Variants in SAMD3 observed in about 807,000 individuals in gnomAD.
SAMD3 encodes the protein sterile alpha motif domain containing 3, also known as sterile alpha motif domain-containing protein 3.
Under a neutral mutation model 58.5 loss-of-function variants are expected in SAMD3, and 63 were observed. The ratio of observed to expected loss-of-function variants is 1.08; its 90% CI spans 0.88 to 1.33. The LOEUF (loss-of-function observed/expected upper bound fraction) is 1.33, where lower values mean the gene tolerates loss of function less well. Ranked by LOEUF, SAMD3 falls within the 40% of genes most tolerant of loss-of-function variation. The pLI is 0.00. For synonymous variants in SAMD3, 220 were observed against 210.3 expected, an observed-to-expected ratio of 1.05 and a Z score of -0.40; for missense variants, 604 against 608.4, an observed-to-expected ratio of 0.99 and a Z score of 0.08.
At chr6:130,172,521 T>C (rs1370503699) in intron 8 of SAMD3, among the ~76,000 whole-genome samples, 1 of 152,200 alleles carries the variant, frequency 6.6e-6, no homozygotes, top group Non-Finnish European at 1.5e-5. Context: ...TTTAAGAATG[T>C]TGAATATTGG....
chr6:130,267,594 G>A (rs753466413), intron 2 of SAMD3, among the ~76,000 whole-genome samples: 20 of 152,102 alleles, frequency 1.3e-4, no homozygotes, highest in Non-Finnish European at 1.9e-4. Flanking sequence ...CAGGTAGCCC[G>A]GCACCTAGGA....
At chr6:130,338,604 C>G (rs1777171966) in intron 1 of SAMD3, among the ~76,000 whole-genome samples, 1 of 152,214 alleles carries the variant, frequency 6.6e-6, no homozygotes, top group Non-Finnish European at 1.5e-5. Context: ...CACAGCTGCC[C>G]AAGGCTGTGG....
At chr6:130,143,418 T>A (rs117488983), downstream of SAMD3, among the ~76,000 whole-genome samples, 1,734 of 152,160 alleles carry the variant, frequency 0.011, 12 homozygotes, top group Non-Finnish European at 0.018. Flanking sequence ...GCTAATTTGT[T>A]TTTTTAGTAG....
In SAMD3 at chr6:130,328,464, C is replaced by T. The variant is rs540144582; in HGVS notation, c.-303-15371G>A. On this transcript the variant is annotated intron_variant, in intron 1 of 13. Coordinates refer to the SAMD3 transcript ENST00000368134. ...ATGTGCCATCAATGCCCAGGCAATACTAATCCCATAACTCCACCTAAAAGA... is the reference window on the plus strand; with the variant it reads ...ATGTGCCATCAATGCCCAGGCAATATTAATCCCATAACTCCACCTAAAAGA... Among the ~76,000 whole-genome samples the T allele has an allele frequency of 1.3e-4, 20 of 152,320 alleles. No individual in the cohort carries two copies. The South Asian group carries it at 4.1e-3, about 32-fold the overall frequency.
intron 2 of SAMD3, among the ~76,000 whole-genome samples, chr6:130,244,741 AAAAAAAT>A (rs1163362307): frequency 7.1e-5 from 9 of 127,298 alleles, no homozygotes; most frequent in South Asian, 2.4e-4. Context: ...CTGTCTCAAA[AAAAAAAT>A]AAAAATAAAA....
intron 2 of SAMD3, among the ~76,000 whole-genome samples, chr6:130,262,669 TTAA>T (rs1774183698): frequency 6.6e-6 from 1 of 152,052 alleles, no homozygotes; most frequent in Non-Finnish European, 1.5e-5. Context: ...TGTAAAACTA[TTAA>T]AGAAACAGTT....
chr6:130,183,864 A>G (rs1792653549), intron 7 of SAMD3, among the ~76,000 whole-genome samples: 1 of 152,132 alleles, frequency 6.6e-6, no homozygotes, highest in East Asian at 1.9e-4. Context: ...AGAGAGCGCA[A>G]AGTCAAGAAA....
intron 4 of SAMD3, among the ~76,000 whole-genome samples, chr6:130,213,854 A>G (rs1795790139): frequency 6.6e-6 from 1 of 152,204 alleles, no homozygotes; most frequent in Non-Finnish European, 1.5e-5. Flanking sequence ...TACTCATGTG[A>G]CAATAACGTG....
At chr6:130,173,235 G>C (rs890870372) in intron 8 of SAMD3, among the ~76,000 whole-genome samples, 3 of 152,180 alleles carry the variant, frequency 2.0e-5, no homozygotes, top group African/African-American at 7.2e-5. Flanking sequence ...TTGTTGGAAA[G>C]GAGTTGCTGT....
chr6:130,201,874 G>A (rs1794679993), intron 5 of SAMD3, among the ~76,000 whole-genome samples: 1 of 152,154 alleles, frequency 6.6e-6, no homozygotes, highest in African/African-American at 2.4e-5. Context: ...TTCCCAGAAA[G>A]TCTTATTTCT....
intron 2 of SAMD3, among the ~76,000 whole-genome samples, chr6:130,308,420 A>ATTCTATTCT (rs1776018979): frequency 8.7e-6 from 1 of 114,662 alleles, no homozygotes; most frequent in African/African-American, 3.4e-5. Context: ...ATTCTATTCT[A>ATTCTATTCT]TTCTATTCTA....
intron 6 of SAMD3, 75 bp downstream of exon 6, chr6:130,184,363 G>T: frequency 1.4e-6 from 2 of 1,424,842 alleles, no homozygotes; most frequent in Non-Finnish European, 1.9e-6. Context: ...GAAGAGAGTT[G>T]ATTCCACAGG....
intron 1 of SAMD3, among the ~76,000 whole-genome samples, chr6:130,322,764 C>A (rs920079058): frequency 2.6e-5 from 4 of 152,164 alleles, no homozygotes; most frequent in Admixed American, 6.5e-5. Flanking sequence ...TTTGAGTATT[C>A]CAAGCAACTA....
intron 1 of SAMD3, among the ~76,000 whole-genome samples, chr6:130,319,227 G>C (rs901890409): frequency 6.6e-6 from 1 of 152,080 alleles, no homozygotes; most frequent in Non-Finnish European, 1.5e-5. Flanking sequence ...AAAAACATTT[G>C]AAAGAAATAA....
chr6:130,160,512 T>G (rs2114611174), intron 8 of SAMD3: 1 of 152,242 alleles, frequency 6.6e-6, no homozygotes, highest in South Asian at 2.1e-4. Context: ...TAATAGAATT[T>G]GAAAGAAGAA....
At chr6:130,336,525 G>A (rs533785325) in intron 1 of SAMD3, among the ~76,000 whole-genome samples, 24 of 152,244 alleles carry the variant, frequency 1.6e-4, no homozygotes, top group Middle Eastern at 3.4e-3. Context: ...ATTTATTTTC[G>A]TTCCATATTT....
intron 1 of SAMD3, among the ~76,000 whole-genome samples, chr6:130,343,999 C>T (rs1396078088): frequency 6.6e-6 from 1 of 151,562 alleles, no homozygotes. Flanking sequence ...CAAGGACACC[C>T]CTTTTACCTC....
chr6:130,144,287 C>A, downstream of SAMD3: 1 of 499,644 alleles, frequency 2.0e-6, no homozygotes, highest in Non-Finnish European at 3.4e-6. Context: ...TGCGGAATTT[C>A]TAAAAACTCA....
intron 1 of SAMD3, among the ~76,000 whole-genome samples, chr6:130,337,029 C>T (rs1777120879): frequency 6.6e-6 from 1 of 152,192 alleles, no homozygotes; most frequent in Non-Finnish European, 1.5e-5. Flanking sequence ...TGTTGGTTTC[C>T]ACCATCATCA....
Sources: gnomAD v4.1 joint callset for allele counts (sites outside exome capture counted in the v4.1 genomes callset) on GRCh38, gnomAD v4.1.1 for gene constraint, MANE v1.5 for transcripts, NCBI Gene and HGNC (gene_info 2026-07-23, HGNC 2026-07-21) for gene names.